HDAC9: variants seen among roughly 807,000 people sequenced by gnomAD.
The protein encoded by HDAC9 is histone deacetylase 9, also known as MEF-2 interacting transcription repressor (MITR) protein.
Under a neutral mutation model 139.4 loss-of-function variants are expected in HDAC9, and 41 were observed. The ratio of observed to expected loss-of-function variants is 0.29; its 90% CI spans 0.23 to 0.38. The LOEUF (loss-of-function observed/expected upper bound fraction) is 0.38, where lower values mean the gene tolerates loss of function less well. Ranked by LOEUF, HDAC9 falls within the 10% of genes least tolerant of loss-of-function variation. The pLI, the probability that HDAC9 is intolerant of heterozygous loss-of-function variation, is 1.00. For synonymous variants in HDAC9, 517 were observed against 476.2 expected (o/e 1.09, Z -1.12); for missense variants, 1,147 against 1,297.0 (o/e 0.88, Z 1.78).
chr7:18,882,988 ACAT>A (rs1270556605), intron 22 of HDAC9, among the ~76,000 whole-genome samples: 1 of 152,184 alleles, frequency 6.6e-6, no homozygotes, highest in Non-Finnish European at 1.5e-5. Flanking sequence ...CCTGCATTTC[ACAT>A]TTCTATATCT....
intron 12 of HDAC9, among the ~76,000 whole-genome samples, chr7:18,673,383 A>G (rs1317331505): frequency 6.6e-6 from 1 of 152,116 alleles, no homozygotes; most frequent in Non-Finnish European, 1.5e-5. Context: ...TGTCCAAACT[A>G]GTAGCCACAT....
intron 2 of HDAC9, among the ~76,000 whole-genome samples, chr7:18,209,995 C>T (rs1010256616): frequency 1.3e-5 from 2 of 149,986 alleles, no homozygotes; most frequent in Non-Finnish European, 3.0e-5. Flanking sequence ...CCACCGCGCC[C>T]GGCCAAGAGA....
At chr7:18,547,140 T>C (rs2128640837) in intron 2 of HDAC9, among the ~76,000 whole-genome samples, 1 of 152,364 alleles carries the variant, frequency 6.6e-6, no homozygotes, top group South Asian at 2.1e-4. Context: ...CTTCACTGAG[T>C]CACAACCTTT....
At chr7:18,097,713 A>G (rs941156551) in intron 1 of HDAC9, among the ~76,000 whole-genome samples, 4 of 152,026 alleles carry the variant, frequency 2.6e-5, no homozygotes, top group Middle Eastern at 3.2e-3. Flanking sequence ...GACTACAGGC[A>G]TATACCACCA....
intron 2 of HDAC9, among the ~76,000 whole-genome samples, chr7:18,280,263 A>T (rs968309095): frequency 1.4e-4 from 21 of 152,220 alleles, no homozygotes; most frequent in African/African-American, 5.1e-4. Context: ...ACCAGCTTGG[A>T]TAACATAGTG....
At chr7:18,139,727 G>T (rs976262050) in intron 1 of HDAC9, among the ~76,000 whole-genome samples, 3 of 152,134 alleles carry the variant, frequency 2.0e-5, no homozygotes, top group Admixed American at 6.5e-5. Flanking sequence ...TGATTATTCT[G>T]TATTGTCCAG....
intron 13 of HDAC9, among the ~76,000 whole-genome samples, chr7:18,740,124 A>C (rs1426055227): frequency 6.6e-6 from 1 of 152,200 alleles, no homozygotes; most frequent in Non-Finnish European, 1.5e-5. Flanking sequence ...AGACCTTGGG[A>C]AAAGTGCAGT....
At chr7:18,829,340 C>A in intron 18 of HDAC9, 121 bp from the exon 19 acceptor site, 2 of 1,120,520 alleles carry the variant, frequency 1.8e-6, no homozygotes, top group Non-Finnish European at 2.7e-6. Flanking sequence ...GAGGTACTCC[C>A]AGAAGCAGAT....
chr7:18,210,745 C>G (rs977534195), intron 2 of HDAC9, among the ~76,000 whole-genome samples: 1 of 152,154 alleles, frequency 6.6e-6, no homozygotes, highest in African/African-American at 2.4e-5. Flanking sequence ...CATGAAGTAG[C>G]TTTTCATGTT....
intron 2 of HDAC9, among the ~76,000 whole-genome samples, chr7:18,528,253 ATTTTTT>A (rs10716963): frequency 2.7e-5 from 4 of 147,068 alleles, no homozygotes; most frequent in African/African-American, 9.9e-5. Flanking sequence ...TCCATGAAGT[ATTTTTT>A]TTTTTTTAAA....
intron 24 of HDAC9, among the ~76,000 whole-genome samples, chr7:18,967,612 C>G (rs537784141): frequency 2.0e-4 from 30 of 150,444 alleles, no homozygotes; most frequent in Middle Eastern, 3.4e-3. Context: ...ATATACAAAT[C>G]TAAAGTTCGG....
chr7:18,358,324 CACAA>C (rs1302264080), intron 1 of HDAC9, among the ~76,000 whole-genome samples: 163 of 152,296 alleles, frequency 1.1e-3, no homozygotes, highest in African/African-American at 3.8e-3. Flanking sequence ...ATGTTGGGAG[CACAA>C]ACACTTATGT....
At chr7:18,932,386 C>T (rs1804824080) in intron 22 of HDAC9, among the ~76,000 whole-genome samples, 2 of 152,066 alleles carry the variant, frequency 1.3e-5, no homozygotes, top group Non-Finnish European at 2.9e-5. Flanking sequence ...TTCTTAAACA[C>T]TTTTATGTGA....
At chr7:18,698,243 C>T (rs1178102) in intron 12 of HDAC9, among the ~76,000 whole-genome samples, 30,084 of 151,976 alleles carry the variant, frequency 0.2, 3,075 homozygotes, top group East Asian at 0.29. Flanking sequence ...TTGAAAGGAC[C>T]GTTCTAAAAT....
At chr7:18,866,504 T>C (rs1434813523) in intron 21 of HDAC9, among the ~76,000 whole-genome samples, 2 of 152,166 alleles carry the variant, frequency 1.3e-5, no homozygotes, top group Non-Finnish European at 2.9e-5. Context: ...CAGTACACTG[T>C]GTGTGCCTGG....
chr7:18,962,194 G>A (rs1415860604), intron 24 of HDAC9, among the ~76,000 whole-genome samples: 1 of 152,182 alleles, frequency 6.6e-6, no homozygotes, highest in African/African-American at 2.4e-5. Flanking sequence ...ACTGTTGTCA[G>A]GTGGGAGCTG....
intron 14 of HDAC9, among the ~76,000 whole-genome samples, chr7:18,756,120 G>A (rs553070375): frequency 8.5e-5 from 13 of 152,190 alleles, no homozygotes; most frequent in Non-Finnish European, 1.3e-4. Flanking sequence ...GTAGGACCCA[G>A]GCATCAGTAA....
intron 2 of HDAC9, among the ~76,000 whole-genome samples, chr7:18,512,375 A>G (rs1019199537): frequency 2.0e-5 from 3 of 152,204 alleles, no homozygotes; most frequent in African/African-American, 7.2e-5. Context: ...ACTGTTTTAT[A>G]TAAAAAACAA....
intron 6 of HDAC9, among the ~76,000 whole-genome samples, chr7:18,608,174 GAT>G (rs981947746): frequency 6.6e-6 from 1 of 152,044 alleles, no homozygotes; most frequent in African/African-American, 2.4e-5. Context: ...TAAATTAAGA[GAT>G]AGAAAATAAA....
Sources: allele counts gnomAD v4.1 joint callset (sites outside exome capture counted in the v4.1 genomes callset), GRCh38; gene constraint gnomAD v4.1.1; transcripts MANE v1.5; gene names NCBI Gene and HGNC (gene_info 2026-07-23, HGNC 2026-07-21).